Variants in CENPP observed in about 807,000 individuals in gnomAD.
The protein encoded by CENPP is centromere protein P.
A neutral mutation model predicts 35.6 loss-of-function variants in CENPP; 24 were observed. That is an observed-to-expected ratio of 0.67 (90% CI 0.49 to 0.95). The LOEUF (loss-of-function observed/expected upper bound fraction) is 0.95. Ranked by LOEUF, CENPP falls within the 40% of genes least tolerant of loss-of-function variation. The pLI, the probability that CENPP is intolerant of heterozygous loss-of-function variation, is 0.00. For synonymous variants in CENPP, 120 were observed against 125.5 expected, an observed-to-expected ratio of 0.96 and a Z score of 0.29; for missense variants, 332 against 345.3, an observed-to-expected ratio of 0.96 and a Z score of 0.31.
chr9:92,332,494 C>G, intron 2 of CENPP, 143 bp downstream of exon 2: 2 of 632,720 alleles, frequency 3.2e-6, no homozygotes, highest in Non-Finnish European at 5.1e-6. Flanking sequence ...ACTCACATAT[C>G]TTTTGAACAT....
Position 92,326,109 on chromosome 9 carries a change from C to A in CENPP, c.107+4C>A. On this transcript the variant is annotated splice_donor_region_variant and intron_variant, in intron 1 of 7. Transcript: ENST00000375587. ...GGGAAGAGAAGTCCCGAGTCCAGTACGTGACCACCCCAAGTCCCCCAGGGC... is the reference window on the plus strand; with the variant it reads ...GGGAAGAGAAGTCCCGAGTCCAGTAAGTGACCACCCCAAGTCCCCCAGGGC... 6.6e-7 allele frequency: 1 copy of A among 1,525,806 alleles called. No individual in the cohort carries two copies. Among genetic ancestry groups the A allele is most frequent in the Non-Finnish European group, 8.9e-7 (1 of 1,129,142 alleles). 94.5% of individuals were successfully genotyped at this position (1,525,806 alleles called of 1,614,324 possible).
Position 92,616,272 on chromosome 9 carries a change from C to T in CENPP, c.*3123C>T. 6.0e-6 allele frequency: 3 copies of T among 500,098 alleles called. No homozygotes were observed. The highest frequency in any genetic ancestry group is 3.6e-5 in the East Asian group (1 of 27,692). 31.0% of individuals were successfully genotyped at this position (500,098 alleles called of 1,614,324 possible). A position where few individuals can be genotyped will look rare whatever the true frequency, so the allele number is the denominator to read the frequency against. On this transcript the variant is annotated 3_prime_UTR_variant, in exon 8 of 8. Coordinates refer to ENST00000375587, the MANE Select transcript of CENPP (RefSeq NM_001012267.3). ...TCGTTCTGTGCACCTGTGATCTGTGCGTGTGACAGCTGTCTGTGCCGGCTG... is the reference window on the plus strand; with the variant it reads ...TCGTTCTGTGCACCTGTGATCTGTGTGTGTGACAGCTGTCTGTGCCGGCTG...
intron 5 of CENPP, among the ~76,000 whole-genome samples, chr9:92,523,397 G>A (rs1480848040): frequency 1.3e-5 from 2 of 152,164 alleles, no homozygotes; most frequent in African/African-American, 4.8e-5. Flanking sequence ...AGCAGCCATA[G>A]ACAATATGTT....
chr9:92,411,943 A>G (rs1843455239), intron 5 of CENPP, among the ~76,000 whole-genome samples: 1 of 152,228 alleles, frequency 6.6e-6, no homozygotes, highest in Admixed American at 6.5e-5. Context: ...CCGCTTTAGC[A>G]TTTTATTTCT....
chr9:92,335,486 A>G (rs1352283695), intron 2 of CENPP, among the ~76,000 whole-genome samples: 2 of 151,764 alleles, frequency 1.3e-5, no homozygotes, highest in South Asian at 2.1e-4. Context: ...ATTTTCTCCT[A>G]TATTCTAGGA....
rs1401879982 is a variant in CENPP at position 92,417,622 on chromosome 9, A to C, written c.564+37763A>C. On this transcript the variant is annotated intron_variant, in intron 5 of 7. Transcript: ENST00000375587. Reference sequence around the variant, plus strand: ...CATTGTGGAGAAAGTGAGTAAACTCAGAATACGCTTTGTATAAATTCTCAG... The same window carrying C: ...CATTGTGGAGAAAGTGAGTAAACTCCGAATACGCTTTGTATAAATTCTCAG... 9 of 931,582 alleles carry C rather than the reference A, an allele frequency of 9.7e-6. 1 individual carries two copies. Among genetic ancestry groups the C allele is most frequent in the Non-Finnish European group, 1.4e-5 (9 of 623,814 alleles). 57.7% of individuals were successfully genotyped at this position (931,582 alleles called of 1,614,324 possible).
intron 4 of CENPP, among the ~76,000 whole-genome samples, chr9:92,366,023 T>C (rs1316284442): frequency 1.3e-5 from 2 of 151,284 alleles, no homozygotes; most frequent in Non-Finnish European, 2.9e-5. Context: ...TACTAAAAAT[T>C]CAAAAAATTA....
At chr9:92,456,106 T>A (rs1284495959) in intron 5 of CENPP, 1 of 152,192 alleles carries the variant, frequency 6.6e-6, no homozygotes, top group East Asian at 1.9e-4. Context: ...ATAATTGACA[T>A]TAATACTGCT....
chr9:92,616,262 G>T lies in CENPP; in HGVS notation c.*3113G>T. On this transcript the variant is annotated 3_prime_UTR_variant, in exon 8 of 8. Transcript: ENST00000375587. ...CAAAGAGCACTCGTTCTGTGCACCT[G>T]TGATCTGTGCGTGTGACAGCTGTCT... is the stretch of plus-strand genomic sequence containing the variant. The T allele has an allele frequency of 1.9e-6, 1 of 526,100 alleles. No homozygotes were observed. The highest frequency in any genetic ancestry group is 2.1e-5 in the South Asian group (1 of 48,484). The allele number at this position is 526,100 out of a possible 1,614,324, so 32.6% of individuals were successfully genotyped here.
chr9:92,371,371 G>T (rs933695431), intron 4 of CENPP, among the ~76,000 whole-genome samples: 2 of 152,124 alleles, frequency 1.3e-5, no homozygotes, highest in Non-Finnish European at 2.9e-5. Flanking sequence ...TGTTGACCCA[G>T]TGATCATTCA....
At chr9:92,464,963 A>T in intron 5 of CENPP, 2 of 1,614,052 alleles carry the variant, frequency 1.2e-6, no homozygotes, top group South Asian at 2.2e-5. Flanking sequence ...TCTGATATGG[A>T]ACACCGTCAC....
chr9:92,612,430 A>G, intron 6 of CENPP, 93 bp from the exon 7 acceptor site: 2 of 955,508 alleles, frequency 2.1e-6, no homozygotes, highest in Non-Finnish European at 3.4e-6. Flanking sequence ...GGAGCCCAGC[A>G]TGGGGAAATG....
At chr9:92,365,856 T>C (rs2130843054) in intron 4 of CENPP, among the ~76,000 whole-genome samples, 1 of 152,072 alleles carries the variant, frequency 6.6e-6, no homozygotes, top group South Asian at 2.1e-4. Flanking sequence ...TCTGTGGAGT[T>C]ATCTGCAAAA....
At chr9:92,610,012 C>T (rs940969308) in intron 5 of CENPP, among the ~76,000 whole-genome samples, 1 of 152,102 alleles carries the variant, frequency 6.6e-6, no homozygotes, top group African/African-American at 2.4e-5. Flanking sequence ...GCTGAGATTA[C>T]AGGCGTGAGC....
intron 5 of CENPP, chr9:92,501,149 TC>T (rs1179766320): frequency 8.0e-7 from 1 of 1,249,630 alleles, no homozygotes; most frequent in East Asian, 2.4e-5. Context: ...TGGTCCATTT[TC>T]CTATAAGCAC....
At chr9:92,462,394 A>AC (rs1318410246) in intron 5 of CENPP, among the ~76,000 whole-genome samples, 3 of 151,970 alleles carry the variant, frequency 2.0e-5, no homozygotes, top group Admixed American at 6.6e-5. Flanking sequence ...GCATATCCTG[A>AC]CCCCCACTCT....
chr9:92,457,553 T>A (rs548338874), intron 5 of CENPP: 222 of 1,174,328 alleles, frequency 1.9e-4, no homozygotes, highest in Non-Finnish European at 2.5e-4. Flanking sequence ...TACTCTGTAG[T>A]CGCCATTTGT....
intron 4 of CENPP, among the ~76,000 whole-genome samples, chr9:92,351,156 C>T (rs1841429542): frequency 6.6e-6 from 1 of 152,196 alleles, no homozygotes; most frequent in South Asian, 2.1e-4. Context: ...TGTTGTACAA[C>T]CATCACCACT....
At chr9:92,505,332 G>A (rs1343458277) in intron 5 of CENPP, among the ~76,000 whole-genome samples, 1 of 152,064 alleles carries the variant, frequency 6.6e-6, no homozygotes, top group Admixed American at 6.6e-5. Context: ...ACTGTATCAG[G>A]TGTCTCTACT....
Sources: gnomAD v4.1 joint callset for allele counts (sites outside exome capture counted in the v4.1 genomes callset) on GRCh38, gnomAD v4.1.1 for gene constraint, MANE v1.5 for transcripts, NCBI Gene and HGNC (gene_info 2026-07-23, HGNC 2026-07-21) for gene names.